USP25: variants seen among roughly 807,000 people sequenced by gnomAD.
The protein encoded by USP25 is ubiquitin carboxyl-terminal hydrolase 25.
Under a neutral mutation model 158.5 loss-of-function variants are expected in USP25, and 85 were observed. That is an observed-to-expected ratio of 0.54 (90% CI 0.45 to 0.64). The LOEUF is 0.64. Among genes scored for constraint, USP25 ranks in the 30% least tolerant of loss-of-function variants. The pLI, the probability that USP25 is intolerant of heterozygous loss-of-function variation, is 0.00. For missense variants in USP25, 1,242 were observed against 1,327.3 expected, an observed-to-expected ratio of 0.94 and a Z score of 1.00; for synonymous variants, 464 against 460.4, an observed-to-expected ratio of 1.01 and a Z score of -0.10.
chr21:15,815,329 G>A (rs1401632118), intron 9 of USP25, among the ~76,000 whole-genome samples: 4 of 152,310 alleles, frequency 2.6e-5, no homozygotes, highest in Admixed American at 6.5e-5. Context: ...TGGGGTTGGA[G>A]CCCACACAGA....
chr21:15,805,860 G>A (rs1321619897), intron 7 of USP25, among the ~76,000 whole-genome samples: 2 of 152,202 alleles, frequency 1.3e-5, no homozygotes, highest in Admixed American at 6.5e-5. Flanking sequence ...CAAAAAGATA[G>A]CGGCAATGTG....
At chr21:15,732,283 A>G (rs1236654994) in intron 1 of USP25, among the ~76,000 whole-genome samples, 1 of 152,206 alleles carries the variant, frequency 6.6e-6, no homozygotes, top group Non-Finnish European at 1.5e-5. Flanking sequence ...AGAAACTTTT[A>G]TACTTCCATA....
At chr21:15,814,364 G>A (rs1038123857) in intron 9 of USP25, among the ~76,000 whole-genome samples, 6 of 151,868 alleles carry the variant, frequency 4.0e-5, no homozygotes, top group African/African-American at 4.8e-5. Flanking sequence ...AGAGTAGGAC[G>A]TTGGTGAAAA....
intron 7 of USP25, among the ~76,000 whole-genome samples, chr21:15,805,825 AC>A (rs1172358615): frequency 6.6e-6 from 1 of 152,230 alleles, no homozygotes; most frequent in Non-Finnish European, 1.5e-5. Flanking sequence ...AGGAAAAAAT[AC>A]AGTGGCAAAG....
chr21:15,777,873 T>C, intron 3 of USP25, 31 bp from the exon 4 acceptor site: 1 of 1,561,492 alleles, frequency 6.4e-7, no homozygotes, highest in Non-Finnish European at 8.6e-7. Flanking sequence ...GTTTTACTTT[T>C]AATTTTGAGA....
At chr21:15,779,361 C>A (rs2034833043) in intron 4 of USP25, among the ~76,000 whole-genome samples, 1 of 151,744 alleles carries the variant, frequency 6.6e-6, no homozygotes, top group African/African-American at 2.4e-5. Flanking sequence ...ATTTTAAATA[C>A]AAAACACATG....
chr21:15,737,222 T>G (rs938939780), intron 1 of USP25, among the ~76,000 whole-genome samples: 2 of 152,112 alleles, frequency 1.3e-5, no homozygotes, highest in South Asian at 2.1e-4. Context: ...TTATCTAGAT[T>G]ATTATTTTTG....
intron 6 of USP25, among the ~76,000 whole-genome samples, chr21:15,802,553 AC>A (rs1181519869): frequency 6.6e-6 from 1 of 151,614 alleles, no homozygotes; most frequent in Non-Finnish European, 1.5e-5. Flanking sequence ...ATCCCAAGGG[AC>A]AAAAAAACAA....
chr21:15,749,176 C>T (rs17241423), intron 1 of USP25, among the ~76,000 whole-genome samples: 11,996 of 152,212 alleles, frequency 0.079, 513 homozygotes, highest in East Asian at 0.099. Flanking sequence ...AATAAATATT[C>T]ATCAGAACTT....
At chr21:15,824,924 T>C (rs746696623) in intron 11 of USP25, 42 bp from the exon 12 acceptor site, 1 of 1,517,298 alleles carries the variant, frequency 6.6e-7, no homozygotes, top group Admixed American at 1.7e-5. Flanking sequence ...GCATCTACTT[T>C]CATGATATTC....
chr21:15,861,041 T>C (rs746816041), intron 20 of USP25, among the ~76,000 whole-genome samples: 3 of 151,674 alleles, frequency 2.0e-5, no homozygotes, highest in Admixed American at 6.6e-5. Context: ...ATTTAGAATA[T>C]GGTTTTACAG....
chr21:15,858,085 A>G (rs1294560865), intron 20 of USP25, among the ~76,000 whole-genome samples: 2 of 152,070 alleles, frequency 1.3e-5, no homozygotes, highest in Non-Finnish European at 2.9e-5. Context: ...AATACCAGTG[A>G]TCTTATTGTA....
chr21:15,878,688 G>A lies in USP25; in HGVS notation c.*213G>A, dbSNP rs1343393821. On this transcript the variant is annotated 3_prime_UTR_variant, in exon 26 of 26. Transcript: ENST00000400183. ...CTCAGACATTTTAACCGGAACTGAT[G>A]TATAATCACAAATCTAATTGATTTT... is the stretch of plus-strand genomic sequence containing the variant. 1 of 416,714 alleles carries A rather than the reference G, an allele frequency of 2.4e-6. No homozygotes were observed. Among genetic ancestry groups the A allele is most frequent in the East Asian group, 3.8e-5 (1 of 26,100 alleles). The allele number at this position is 416,714 out of a possible 1,614,324, so 25.8% of individuals were successfully genotyped here.
At chr21:15,763,067 GGTA>G in intron 2 of USP25, 99 bp downstream of exon 2, 1 of 1,089,792 alleles carries the variant, frequency 9.2e-7, no homozygotes, top group Non-Finnish European at 1.3e-6. Context: ...TATACCATGT[GGTA>G]GTTTTAGAGA....
chr21:15,810,320 G>T (rs1315924092), intron 8 of USP25, among the ~76,000 whole-genome samples: 1 of 152,014 alleles, frequency 6.6e-6, no homozygotes, highest in African/African-American at 2.4e-5. Context: ...AAGAGAGATG[G>T]TATCCCCTCT....
chr21:15,874,551 T>C (rs1368545819), intron 24 of USP25, 25 bp downstream of exon 24: 1 of 1,560,864 alleles, frequency 6.4e-7, no homozygotes, highest in Non-Finnish European at 8.6e-7. Flanking sequence ...TATAGTATGA[T>C]CTTATCATTT....
intron 1 of USP25, among the ~76,000 whole-genome samples, chr21:15,740,088 C>T (rs192709450): frequency 7.7e-4 from 117 of 152,262 alleles, no homozygotes; most frequent in African/African-American, 2.7e-3. Flanking sequence ...AGGTTTAGAT[C>T]AGTTTCGTAT....
chr21:15,812,377 G>A (rs914812157), intron 9 of USP25, among the ~76,000 whole-genome samples: 6 of 152,050 alleles, frequency 3.9e-5, no homozygotes, highest in South Asian at 2.1e-4. Flanking sequence ...GGCTGGGTGC[G>A]GTGGCTCATG....
rs764549179 is a variant in USP25, at chr21:15,805,297, A to G, written c.780+39A>G. 1.2e-5 allele frequency: 19 copies of G among 1,532,578 alleles called. No homozygotes were observed. The Admixed American group carries it at 3.5e-4, about 29-fold the overall frequency. 94.9% of individuals were successfully genotyped at this position (1,532,578 alleles called of 1,614,324 possible). On this transcript the variant is annotated intron_variant, in intron 7 of 25. Coordinates refer to ENST00000400183, the MANE Select transcript of USP25 (RefSeq NM_001283041.3). ...ACTGACTTGTTCATTAACCATTTGT[A>G]TTTAATCTGAACAATATTAAGCACC... is the stretch of plus-strand genomic sequence containing the variant.
Sources: allele counts gnomAD v4.1 joint callset (sites outside exome capture counted in the v4.1 genomes callset), GRCh38; gene constraint gnomAD v4.1.1; transcripts MANE v1.5; gene names NCBI Gene and HGNC (gene_info 2026-07-23, HGNC 2026-07-21).